Variants in SEMA6D observed in about 807,000 individuals in gnomAD.
SEMA6D encodes the protein semaphorin-6D.
A neutral mutation model predicts 106.6 loss-of-function variants in SEMA6D; 35 were observed. The observed-to-expected ratio is 0.33, with a 90% CI of 0.25 to 0.44. SEMA6D has a LOEUF of 0.44. Ranked by LOEUF, SEMA6D falls within the 20% of genes least tolerant of loss-of-function variation. SEMA6D has a pLI of 1.00. For synonymous variants in SEMA6D, 499 were observed against 487.7 expected, an observed-to-expected ratio of 1.02 and a Z score of -0.31; for missense variants, 1,185 against 1,345.9, an observed-to-expected ratio of 0.88 and a Z score of 1.87.
intron 1 of SEMA6D, among the ~76,000 whole-genome samples, chr15:47,321,292 A>G (rs1198200044): frequency 6.6e-6 from 1 of 152,166 alleles, no homozygotes; most frequent in Non-Finnish European, 1.5e-5. Flanking sequence ...TCCAAGTTGC[A>G]GACTTTGGAT....
chr15:47,746,381 C>T (rs1330278682), intron 1 of SEMA6D, among the ~76,000 whole-genome samples: 3 of 152,208 alleles, frequency 2.0e-5, no homozygotes, highest in African/African-American at 7.2e-5. Flanking sequence ...GGGTTCTGCA[C>T]TGGCTTCACT....
At chr15:47,230,798 C>T (rs1206945595) in intron 1 of SEMA6D, among the ~76,000 whole-genome samples, 1 of 151,988 alleles carries the variant, frequency 6.6e-6, no homozygotes, top group Non-Finnish European at 1.5e-5. Context: ...TTAACAAGCA[C>T]TGCAGGTGGT....
At chr15:47,648,621 C>A (rs140099780) in intron 4 of SEMA6D, among the ~76,000 whole-genome samples, 146 of 152,280 alleles carry the variant, frequency 9.6e-4, no homozygotes, top group African/African-American at 3.2e-3. Context: ...TTTCACTTCA[C>A]AAACAGTTAT....
chr15:47,450,513 T>C, intron 2 of SEMA6D, among the ~76,000 whole-genome samples: 1 of 152,108 alleles, frequency 6.6e-6, no homozygotes, highest in East Asian at 1.9e-4. Context: ...GAGGTGGGCT[T>C]TCTTCTCAGA....
intron 2 of SEMA6D, among the ~76,000 whole-genome samples, chr15:47,456,875 A>C (rs2042360485): frequency 6.6e-6 from 1 of 151,978 alleles, no homozygotes; most frequent in South Asian, 2.1e-4. Flanking sequence ...ACTGAAAAGA[A>C]AGAGCTGCAC....
At chr15:47,715,185 A>C (rs1393047802), upstream of SEMA6D, among the ~76,000 whole-genome samples, 1 of 152,190 alleles carries the variant, frequency 6.6e-6, no homozygotes, top group Admixed American at 6.5e-5. Context: ...ACCATGAAAC[A>C]GTGTGGCACA....
At chr15:47,405,945 G>A (rs2040550846) in intron 1 of SEMA6D, among the ~76,000 whole-genome samples, 1 of 152,176 alleles carries the variant, frequency 6.6e-6, no homozygotes, top group Non-Finnish European at 1.5e-5. Flanking sequence ...AGAGCCACAT[G>A]CCCTACAGCG....
intron 1 of SEMA6D, among the ~76,000 whole-genome samples, chr15:47,286,806 T>A (rs992738160): frequency 2.6e-5 from 4 of 152,184 alleles, no homozygotes; most frequent in African/African-American, 7.2e-5. Context: ...GCTATCTTTT[T>A]TGTCATCTAA....
At chr15:47,440,086 A>C (rs1280529241) in intron 2 of SEMA6D, among the ~76,000 whole-genome samples, 2 of 152,080 alleles carry the variant, frequency 1.3e-5, no homozygotes, top group Admixed American at 1.3e-4. Flanking sequence ...AGAAGGATGG[A>C]AACCAGGGAG....
intron 3 of SEMA6D, among the ~76,000 whole-genome samples, chr15:47,489,867 G>A (rs949995184): frequency 5.9e-5 from 9 of 152,002 alleles, no homozygotes; most frequent in African/African-American, 1.7e-4. Flanking sequence ...GGCCAGGCTG[G>A]TCTCAAACTC....
At chr15:47,252,652 T>C (rs2141956104) in intron 1 of SEMA6D, among the ~76,000 whole-genome samples, 1 of 152,326 alleles carries the variant, frequency 6.6e-6, no homozygotes, top group East Asian at 1.9e-4. Context: ...ACAATTTTGG[T>C]CTTTCTGTGT....
At chr15:47,686,873 C>A (rs1293701530) in intron 4 of SEMA6D, among the ~76,000 whole-genome samples, 11 of 151,986 alleles carry the variant, frequency 7.2e-5, no homozygotes. Flanking sequence ...CAAGACCAGT[C>A]TGGGCAACAT....
chr15:47,439,317 C>T (rs1386262834), intron 2 of SEMA6D, among the ~76,000 whole-genome samples: 4 of 152,014 alleles, frequency 2.6e-5, no homozygotes, highest in African/African-American at 9.7e-5. Flanking sequence ...TTTTTAAAAG[C>T]GTATATAAAC....
chr15:47,344,964 A>G (rs980929598), intron 1 of SEMA6D, among the ~76,000 whole-genome samples: 2 of 152,204 alleles, frequency 1.3e-5, no homozygotes, highest in Non-Finnish European at 2.9e-5. Flanking sequence ...ATAACATAAA[A>G]AATGTGCACT....
intron 3 of SEMA6D, among the ~76,000 whole-genome samples, chr15:47,515,422 A>G (rs552249414): frequency 6.6e-6 from 1 of 152,320 alleles, no homozygotes; most frequent in African/African-American, 2.4e-5. Flanking sequence ...CCACCAGGAC[A>G]TTCAGTGTTA....
At chr15:47,311,328 G>C (rs1468314221) in intron 1 of SEMA6D, among the ~76,000 whole-genome samples, 1 of 152,126 alleles carries the variant, frequency 6.6e-6, no homozygotes, top group East Asian at 1.9e-4. Context: ...GGATTCAGGA[G>C]TTATTAATGT....
intron 1 of SEMA6D, among the ~76,000 whole-genome samples, chr15:47,330,786 G>A (rs2037312798): frequency 1.3e-5 from 2 of 152,172 alleles, no homozygotes; most frequent in South Asian, 4.1e-4. Context: ...GCTTCTCTGA[G>A]GAAATGACTT....
chr15:47,584,124 A>G (rs1316691068), intron 3 of SEMA6D, among the ~76,000 whole-genome samples: 1 of 152,176 alleles, frequency 6.6e-6, no homozygotes, highest in Admixed American at 6.5e-5. Context: ...ACTCCCTAAC[A>G]GAACTTTCAT....
intron 3 of SEMA6D, among the ~76,000 whole-genome samples, chr15:47,542,421 A>G (rs577542008): frequency 6.6e-6 from 1 of 152,288 alleles, no homozygotes; most frequent in Non-Finnish European, 1.5e-5. Context: ...AATGTGTTTT[A>G]TTCTCAATTC....
Sources: allele counts gnomAD v4.1 joint callset (sites outside exome capture counted in the v4.1 genomes callset), GRCh38; gene constraint gnomAD v4.1.1; transcripts MANE v1.5; gene names NCBI Gene and HGNC (gene_info 2026-07-23, HGNC 2026-07-21).